Variants in CSMD3 observed in about 807,000 individuals in gnomAD.
The protein encoded by CSMD3 is CUB and sushi domain-containing protein 3.
A neutral mutation model predicts 435.2 loss-of-function variants in CSMD3; 177 were observed. The observed-to-expected ratio is 0.41, with a 90% CI of 0.36 to 0.46. The LOEUF is 0.46. Among genes scored for constraint, CSMD3 ranks in the 20% least tolerant of loss-of-function variants. The pLI is 0.34. For synonymous variants in CSMD3, 1,656 were observed against 1,520.5 expected (o/e 1.09, Z -2.07); for missense variants, 4,265 against 4,504.6 (o/e 0.95, Z 1.52).
At chr8:113,021,084 C>G (rs1453319348) in intron 5 of CSMD3, among the ~76,000 whole-genome samples, 1 of 152,102 alleles carries the variant, frequency 6.6e-6, no homozygotes, top group African/African-American at 2.4e-5. Context: ...TTATATATTT[C>G]TCATTTTTAT....
chr8:113,245,004 T>A (rs538401884), intron 3 of CSMD3, among the ~76,000 whole-genome samples: 1 of 152,294 alleles, frequency 6.6e-6, no homozygotes, highest in Admixed American at 6.5e-5. Context: ...ATGTTTACAA[T>A]CACTGTATCT....
chr8:113,215,021 T>C (rs2092885498), intron 3 of CSMD3, among the ~76,000 whole-genome samples: 2 of 151,882 alleles, frequency 1.3e-5, no homozygotes, highest in Non-Finnish European at 2.9e-5. Flanking sequence ...AGACATATTG[T>C]AAATATTTCA....
At chr8:112,377,495 T>C (rs1310431198) in intron 38 of CSMD3, among the ~76,000 whole-genome samples, 1 of 152,116 alleles carries the variant, frequency 6.6e-6, no homozygotes, top group Admixed American at 6.6e-5. Flanking sequence ...CCAAACTTGT[T>C]TATTGCAGTC....
chr8:113,174,740 T>C (rs956982042), intron 3 of CSMD3, among the ~76,000 whole-genome samples: 13 of 151,938 alleles, frequency 8.6e-5, no homozygotes, highest in Non-Finnish European at 1.6e-4. Flanking sequence ...TGTTCTCATA[T>C]TGTTTTCTAA....
At chr8:112,451,632 G>A (rs1816285628) in intron 32 of CSMD3, among the ~76,000 whole-genome samples, 4 of 151,718 alleles carry the variant, frequency 2.6e-5, no homozygotes, top group Admixed American at 6.6e-5. Flanking sequence ...TCCGCCTCCC[G>A]GGTTCAAGCG....
intron 1 of CSMD3, among the ~76,000 whole-genome samples, chr8:113,344,403 C>A (rs1424764767): frequency 6.6e-6 from 1 of 152,012 alleles, no homozygotes; most frequent in Non-Finnish European, 1.5e-5. Flanking sequence ...GACCACAATG[C>A]AAAGATTATG....
At chr8:112,865,394 T>C (rs971269172) in intron 10 of CSMD3, among the ~76,000 whole-genome samples, 26 of 152,268 alleles carry the variant, frequency 1.7e-4, no homozygotes, top group African/African-American at 6.3e-4. Context: ...CCTTTTTCAC[T>C]CTCTCCTGGA....
chr8:112,776,756 T>C (rs1342023722), intron 13 of CSMD3, among the ~76,000 whole-genome samples: 1 of 151,812 alleles, frequency 6.6e-6, no homozygotes, highest in South Asian at 2.1e-4. Context: ...ATGACCATTA[T>C]ATTGTTTCCT....
chr8:112,775,138 T>G (rs2078213935), intron 13 of CSMD3, among the ~76,000 whole-genome samples: 1 of 151,860 alleles, frequency 6.6e-6, no homozygotes. Flanking sequence ...GTCAAATTAA[T>G]TACAGGGCTT....
intron 70 of CSMD3, among the ~76,000 whole-genome samples, chr8:112,227,595 G>A (rs1812689058): frequency 6.6e-6 from 1 of 152,100 alleles, no homozygotes; most frequent in South Asian, 2.1e-4. Context: ...TTAAAAAGTT[G>A]ACTTAGGTTG....
At chr8:112,760,306 A>C (rs1045415199) in intron 13 of CSMD3, among the ~76,000 whole-genome samples, 1 of 152,172 alleles carries the variant, frequency 6.6e-6, no homozygotes, top group Non-Finnish European at 1.5e-5. Flanking sequence ...GGGGAGAAGA[A>C]GGATTTCTCA....
intron 22 of CSMD3, among the ~76,000 whole-genome samples, chr8:112,609,231 A>G (rs1030083655): frequency 1.4e-5 from 2 of 146,956 alleles, no homozygotes; most frequent in Non-Finnish European, 3.0e-5. Context: ...AAAAAAAAAA[A>G]AGAATAGAAG....
chr8:112,740,930 T>G (rs1325415690), intron 13 of CSMD3, among the ~76,000 whole-genome samples: 1 of 151,932 alleles, frequency 6.6e-6, no homozygotes, highest in Non-Finnish European at 1.5e-5. Flanking sequence ...TAAAGCTAGA[T>G]AAGTAGATTT....
intron 31 of CSMD3, among the ~76,000 whole-genome samples, chr8:112,485,806 G>A (rs1481361585): frequency 6.6e-6 from 1 of 151,986 alleles, no homozygotes; most frequent in East Asian, 1.9e-4. Context: ...TTAAAAGCTT[G>A]TATCATTCCA....
rs564674866 is a variant in CSMD3 at position 112,950,481 on chromosome 8, A to AT, written c.1421-2605dup. Among the ~76,000 whole-genome samples, 999 of 151,966 alleles carry AT rather than the reference A, an allele frequency of 6.6e-3. 12 individuals are homozygous for AT. The highest frequency in any genetic ancestry group is 0.023 in the African/African-American group (958 of 41,510). On this transcript the variant is annotated intron_variant, in intron 8 of 70. Transcript: ENST00000297405. ...AGAAAATAGAAATAAGAAAAATCCC[A>AT]TTTTTTACATTTCACTGTCATTTTG...
intron 13 of CSMD3, among the ~76,000 whole-genome samples, chr8:112,756,763 G>C (rs1239582437): frequency 6.9e-6 from 1 of 144,658 alleles, no homozygotes; most frequent in Non-Finnish European, 1.5e-5. Flanking sequence ...AAAAAATTAT[G>C]TATTAATTTT....
chr8:113,087,849 T>C (rs1252014659), intron 5 of CSMD3, among the ~76,000 whole-genome samples: 6 of 152,058 alleles, frequency 3.9e-5, no homozygotes, highest in Non-Finnish European at 7.4e-5. Flanking sequence ...AAAGCCAAAA[T>C]TGACAAATGG....
intron 70 of CSMD3, among the ~76,000 whole-genome samples, chr8:112,227,076 TACTGAAAAGA>T (rs1705884927): frequency 6.6e-6 from 1 of 152,182 alleles, no homozygotes; most frequent in Non-Finnish European, 1.5e-5. Flanking sequence ...CCTGGGTATA[TACTGAAAAGA>T]ACTGAAAATG....
intron 32 of CSMD3, among the ~76,000 whole-genome samples, chr8:112,456,805 A>G (rs1816885261): frequency 6.6e-6 from 1 of 152,088 alleles, no homozygotes; most frequent in Admixed American, 6.6e-5. Flanking sequence ...ACTGCAGGGT[A>G]CATGTTTTAG....
Sources: allele counts gnomAD v4.1 joint callset (sites outside exome capture counted in the v4.1 genomes callset), GRCh38; gene constraint gnomAD v4.1.1; transcripts MANE v1.5; gene names NCBI Gene and HGNC (gene_info 2026-07-23, HGNC 2026-07-21).